Variants in LRP1B observed in about 807,000 individuals in gnomAD.
LRP1B encodes the protein LDL receptor related protein 1B.
In LRP1B, 217 loss-of-function variants were observed where a neutral mutation model predicts 556.6. The observed-to-expected ratio is 0.39, with a 90% CI of 0.35 to 0.44. LRP1B has a LOEUF of 0.44. Ranked by LOEUF, LRP1B falls within the 20% of genes least tolerant of loss-of-function variation. LRP1B has a pLI of 1.00. For synonymous variants in LRP1B, 2,047 were observed against 1,865.8 expected, an observed-to-expected ratio of 1.10 and a Z score of -2.50; for missense variants, 5,053 against 5,620.8, an observed-to-expected ratio of 0.90 and a Z score of 3.23.
Position 140,762,076 on chromosome 2 carries a change from C to T in LRP1B, c.5758+7137G>A, listed in dbSNP as rs547823413. Reference sequence around the variant, plus strand: ...CTTCTGCCCCTCAGTCTAGCAGGGGCAATCCTATACTGACCATATTTTCAC... The same window carrying T: ...CTTCTGCCCCTCAGTCTAGCAGGGGTAATCCTATACTGACCATATTTTCAC... On this transcript the variant is annotated intron_variant, in intron 35 of 90. Coordinates refer to ENST00000389484, the MANE Select transcript of LRP1B (RefSeq NM_018557.3). Among the ~76,000 whole-genome samples, 4 of 152,096 alleles carry T rather than the reference C, an allele frequency of 2.6e-5. 1 individual carries two copies. The South Asian group carries it at 8.3e-4, about 32-fold the overall frequency.
chr2:141,341,375 G>T (rs1317110886), intron 3 of LRP1B, among the ~76,000 whole-genome samples: 1 of 151,908 alleles, frequency 6.6e-6, no homozygotes, highest in African/African-American at 2.4e-5. Context: ...AAAATTTTAC[G>T]CATACACACA....
chr2:141,392,831 C>T (rs1690104663), intron 3 of LRP1B, among the ~76,000 whole-genome samples: 1 of 152,144 alleles, frequency 6.6e-6, no homozygotes, highest in South Asian at 2.1e-4. Flanking sequence ...GAATGCCCAG[C>T]ACTTAGGAAT....
intron 35 of LRP1B, among the ~76,000 whole-genome samples, chr2:140,742,892 T>C (rs1265706790): frequency 6.6e-6 from 1 of 152,128 alleles, no homozygotes; most frequent in Non-Finnish European, 1.5e-5. Context: ...TAACAATTGG[T>C]AAGAAAATTT....
chr2:141,874,387 G>A (rs1019890772), intron 1 of LRP1B, among the ~76,000 whole-genome samples: 36 of 45,454 alleles, frequency 7.9e-4, no homozygotes, highest in Non-Finnish European at 1.0e-3. Flanking sequence ...TTGAATTTTG[G>A]TTGAATGACA....
intron 7 of LRP1B, among the ~76,000 whole-genome samples, chr2:141,070,497 C>T (rs1424554212): frequency 6.6e-6 from 1 of 151,864 alleles, no homozygotes; most frequent in African/African-American, 2.4e-5. Context: ...CAAGAAATAA[C>T]TAAAATCAGA....
At chr2:141,478,896 AAAGC>A (rs1682813428) in intron 3 of LRP1B, among the ~76,000 whole-genome samples, 1 of 152,122 alleles carries the variant, frequency 6.6e-6, no homozygotes, top group African/African-American at 2.4e-5. Flanking sequence ...AAGATGTCAC[AAAGC>A]CTTTACATAA....
intron 43 of LRP1B, among the ~76,000 whole-genome samples, chr2:140,543,653 G>A (rs774486611): frequency 5.9e-5 from 9 of 151,582 alleles, no homozygotes; most frequent in Non-Finnish European, 8.8e-5. Context: ...TTATCCTGGC[G>A]TTTCTAACTA....
At chr2:140,908,991 G>T (rs1313582307) in intron 21 of LRP1B, among the ~76,000 whole-genome samples, 2 of 152,108 alleles carry the variant, frequency 1.3e-5, no homozygotes, top group African/African-American at 4.8e-5. Flanking sequence ...TAGAGATGGG[G>T]TTTCACCATG....
chr2:141,052,931 C>T (rs1378329685), intron 10 of LRP1B, among the ~76,000 whole-genome samples: 1 of 152,046 alleles, frequency 6.6e-6, no homozygotes, highest in Non-Finnish European at 1.5e-5. Flanking sequence ...AGCCACAACA[C>T]TCGCCCTTGT....
At chr2:140,546,000 T>TGTGTG (rs1680321567) in intron 43 of LRP1B, among the ~76,000 whole-genome samples, 8 of 142,602 alleles carry the variant, frequency 5.6e-5, no homozygotes, top group African/African-American at 1.8e-4. Flanking sequence ...TATTATTAGG[T>TGTGTG]TGTGTGTGTG....
intron 32 of LRP1B, among the ~76,000 whole-genome samples, chr2:140,791,903 T>G (rs2104987950): frequency 6.6e-6 from 1 of 152,328 alleles, no homozygotes; most frequent in East Asian, 1.9e-4. Flanking sequence ...GGAAGAATTC[T>G]TTGCCTTCCT....
intron 3 of LRP1B, among the ~76,000 whole-genome samples, chr2:141,436,781 T>C (rs567625663): frequency 6.6e-6 from 1 of 152,270 alleles, no homozygotes; most frequent in Admixed American, 6.5e-5. Flanking sequence ...AGGTTCAAAA[T>C]AGAGGAGGTG....
chr2:140,466,134 T>TG (rs923198065), intron 60 of LRP1B, among the ~76,000 whole-genome samples: 1 of 151,276 alleles, frequency 6.6e-6, no homozygotes, highest in African/African-American at 2.4e-5. Flanking sequence ...CTTTTTTTTT[T>TG]TTTTTTGGTG....
At chr2:140,735,150 G>T (rs575833967) in intron 35 of LRP1B, among the ~76,000 whole-genome samples, 19 of 152,234 alleles carry the variant, frequency 1.2e-4, no homozygotes, top group African/African-American at 4.3e-4. Flanking sequence ...GTAGCATGTG[G>T]GGCAATGGTT....
intron 10 of LRP1B, among the ~76,000 whole-genome samples, chr2:141,052,889 C>T (rs771096755): frequency 2.2e-4 from 34 of 151,982 alleles, no homozygotes; most frequent in Non-Finnish European, 4.0e-4. Flanking sequence ...CCACCTGCCT[C>T]AGCCTCCCAA....
intron 41 of LRP1B, among the ~76,000 whole-genome samples, chr2:140,686,316 G>T (rs1406936625): frequency 1.3e-5 from 2 of 151,914 alleles, no homozygotes; most frequent in Non-Finnish European, 2.9e-5. Context: ...ATTAAGTGTT[G>T]TTCATGATAT....
At position 141,217,541 on chromosome 2, in the gene LRP1B, A is replaced by T. The variant is rs141293696; in HGVS notation, c.850+11642T>A. 7.2e-3 allele frequency among the ~76,000 whole-genome samples: 1,101 copies of T among 152,288 alleles called. 5 individuals are homozygous for T. The highest frequency in any genetic ancestry group is 0.011 in the Non-Finnish European group (779 of 68,008). ...TGAGAAAACCAGCTAACCATATGGA[A>T]AAAAATGAAATTTGACCTCTACCTC... On this transcript the variant is annotated intron_variant, in intron 6 of 90. Coordinates refer to ENST00000389484, the MANE Select transcript of LRP1B (RefSeq NM_018557.3).
intron 14 of LRP1B, 102 bp downstream of exon 14, chr2:141,013,454 A>G (rs1697813087): frequency 4.3e-6 from 4 of 922,172 alleles, no homozygotes; most frequent in South Asian, 4.2e-5. Context: ...GACATCTTTT[A>G]TCATAAAACT....
At chr2:140,538,732 T>C (rs984077926) in intron 45 of LRP1B, among the ~76,000 whole-genome samples, 13 of 152,142 alleles carry the variant, frequency 8.5e-5, no homozygotes, top group Non-Finnish European at 1.5e-4. Context: ...TAGAACAAAA[T>C]TCAGCCACTT....
Sources: gnomAD v4.1 joint callset for allele counts (sites outside exome capture counted in the v4.1 genomes callset) on GRCh38, gnomAD v4.1.1 for gene constraint, MANE v1.5 for transcripts, NCBI Gene and HGNC (gene_info 2026-07-23, HGNC 2026-07-21) for gene names.